The following BRWD1 variants were observed in gnomAD, a reference collection of about 807,000 sequenced individuals.
BRWD1 encodes the protein bromodomain and WD repeat-containing protein 1.
Under a neutral mutation model 251.2 loss-of-function variants are expected in BRWD1, and 82 were observed. The observed-to-expected ratio is 0.33, with a 90% CI of 0.27 to 0.39. The LOEUF is 0.39. BRWD1 is among the 10% of genes least tolerant of loss of function. The pLI is 1.00. For missense variants in BRWD1, 2,233 were observed against 2,711.6 expected, an observed-to-expected ratio of 0.82 and a Z score of 3.92; for synonymous variants, 918 against 902.8, an observed-to-expected ratio of 1.02 and a Z score of -0.30.
intron 19 of BRWD1, among the ~76,000 whole-genome samples, chr21:39,253,052 G>C (rs2146617581): frequency 6.6e-6 from 1 of 152,278 alleles, no homozygotes; most frequent in African/African-American, 2.4e-5. Context: ...CACTTTGGCA[G>C]GCCGAGGCAG....
At chr21:39,308,481 CAAAAAAAA>C (rs35833623) in intron 4 of BRWD1, among the ~76,000 whole-genome samples, 1 of 107,442 alleles carries the variant, frequency 9.3e-6, no homozygotes, top group Non-Finnish European at 1.9e-5. Flanking sequence ...CACCTTGTCT[CAAAAAAAA>C]AAAAAAAAAA....
intron 4 of BRWD1, among the ~76,000 whole-genome samples, chr21:39,311,954 A>C (rs562646445): frequency 8.5e-5 from 13 of 152,300 alleles, no homozygotes; most frequent in African/African-American, 2.6e-4. Flanking sequence ...GATCACTCAG[A>C]AGCTCTTTTC....
rs370000125 is a variant in BRWD1, at chr21:39,196,625, C to G, written c.6444G>C (p.Lys2148Asn). 2 of 1,613,666 alleles carry G rather than the reference C, an allele frequency of 1.2e-6. No individual in the cohort carries two copies. The highest frequency in any genetic ancestry group is 1.7e-6 in the Non-Finnish European group (2 of 1,179,816). ...ATTTGGAACTAGTATCAGGTCTAAACTTTGAATTCCCAGTTGTTTCAGAGA... is the reference window on the plus strand; with the variant it reads ...ATTTGGAACTAGTATCAGGTCTAAAGTTTGAATTCCCAGTTGTTTCAGAGA... ...VKISETTGNSKFRPDTSSKSS... is the reference protein window; with the variant it reads ...VKISETTGNSNFRPDTSSKSS... The change falls in exon 41 of 41, where the codon AAG becomes AAC. Residue 2148 changes from lysine (K) to asparagine (N), a missense_variant. Around this residue, in one of 12 missense-constraint regions of BRWD1, gnomAD observed 928 missense variants for 970.0 expected, o/e 0.96. Transcript: ENST00000342449.
Position 39,196,558 on chromosome 21 carries a change from T to C in BRWD1, c.6511A>G (p.Thr2171Ala), listed in dbSNP as rs758531202. ...CTCCTTTTGGTTTTTGTATTATCAGTACAGTCAATATCTGATTCAGTTACA... is the reference window on the plus strand; with the variant it reads ...CTCCTTTTGGTTTTTGTATTATCAGCACAGTCAATATCTGATTCAGTTACA... ...GSVTESDIDC[T>A]DNTKTKRRKT... is the part of the protein sequence containing the mutation. The change falls in exon 41 of 41, where the codon ACT (threonine) becomes GCT (alanine). Residue 2171 changes from threonine (T) to alanine (A), a missense_variant. Physicochemically the swap from Thr to Ala is moderately conservative, Grantham distance 58. This residue lies in a region of BRWD1 where 928 missense variants were observed against 970.0 expected (regional missense o/e 0.96). Coordinates refer to ENST00000342449, the MANE Select transcript of BRWD1 (RefSeq NM_033656.4). The C allele has an allele frequency of 6.2e-7, 1 of 1,613,692 alleles. No homozygotes were observed. Among genetic ancestry groups the C allele is most frequent in the East Asian group, 2.2e-5 (1 of 44,872 alleles).
At chr21:39,278,234 C>T (rs1364649068) in intron 10 of BRWD1, among the ~76,000 whole-genome samples, 1 of 151,870 alleles carries the variant, frequency 6.6e-6, no homozygotes. Flanking sequence ...AGAAGTTCTG[C>T]TTTCTAAACA....
intron 21 of BRWD1, among the ~76,000 whole-genome samples, chr21:39,245,909 T>C: frequency 6.6e-6 from 1 of 152,076 alleles, no homozygotes; most frequent in Non-Finnish European, 1.5e-5. Flanking sequence ...GCCTATTAAA[T>C]ACTCTTTACC....
At chr21:39,309,313 TG>T (rs1441544642) in intron 4 of BRWD1, among the ~76,000 whole-genome samples, 7 of 146,762 alleles carry the variant, frequency 4.8e-5, no homozygotes, top group African/African-American at 1.8e-4. Flanking sequence ...TAGCCAGGTG[TG>T]GTGGCACATG....
rs1272097013 is a variant in BRWD1 at position 39,251,993 on chromosome 21, G to A, written c.2256-1104C>T. On this transcript the variant is annotated intron_variant, in intron 19 of 40. Transcript: ENST00000342449. ...TAAAAGAATTTTTATACGGCCGGGC[G>A]CAGTGGCCCACACCTGTAATCCCAG... 4.6e-5 allele frequency among the ~76,000 whole-genome samples: 7 copies of A among 152,046 alleles called. No homozygotes were observed. In the South Asian group the frequency reaches 8.3e-4, roughly 18 times the overall value.
chr21:39,293,072 G>C (rs1013185487), intron 8 of BRWD1, among the ~76,000 whole-genome samples: 3 of 152,168 alleles, frequency 2.0e-5, no homozygotes, highest in African/African-American at 4.8e-5. Context: ...TTAGGTACAA[G>C]ATGAAGCAGT....
chr21:39,251,600 T>C (rs2836958), intron 19 of BRWD1, among the ~76,000 whole-genome samples: 79,012 of 152,020 alleles, frequency 0.52, 21,017 homozygotes, highest in African/African-American at 0.62. Flanking sequence ...GGATAAAAAC[T>C]GATTTTTAAG....
In BRWD1 at chr21:39,189,616, A is replaced by G; in HGVS notation, c.*6643T>C. 1.0e-6 allele frequency: 1 copy of G among 982,036 alleles called. No homozygotes were observed. Among genetic ancestry groups the G allele is most frequent in the Non-Finnish European group, 1.2e-6 (1 of 826,812 alleles). The allele number at this position is 982,036 out of a possible 1,614,324, so 60.8% of individuals were successfully genotyped here. On this transcript the variant is annotated 3_prime_UTR_variant, in exon 41 of 41. Coordinates refer to ENST00000342449, the MANE Select transcript of BRWD1 (RefSeq NM_033656.4). The stretch of plus-strand genomic sequence containing the variant: ...TAAAGCTGAATCTCTTAAGTCTTAG[A>G]CAATAAAACAGGAATTTCAGAGAAT...
In BRWD1 at chr21:39,198,946, C is replaced by A. The variant is rs1347604735; in HGVS notation, c.5470G>T (p.Asp1824Tyr). 5 of 1,613,848 alleles carry A rather than the reference C, an allele frequency of 3.1e-6. No individual in the cohort carries two copies. The African/African-American group carries it at 6.7e-5, about 22-fold the overall frequency. Residue 1824 changes from aspartate to tyrosine, a missense_variant, in exon 40 of 41, where the codon GAC becomes TAC. This residue lies in a region of BRWD1 where 928 missense variants were observed against 970.0 expected (regional missense o/e 0.96). Coordinates refer to ENST00000342449, the MANE Select transcript of BRWD1 (RefSeq NM_033656.4). ...CTATCTTGCTCTTCAGATTCAGAGTCTTCTGAGTCACTCAGAATCTTGGTT... is the reference window on the plus strand; with the variant it reads ...CTATCTTGCTCTTCAGATTCAGAGTATTCTGAGTCACTCAGAATCTTGGTT... ...KKTKILSDSE[D>Y]SESEEQDRED...
In BRWD1 at chr21:39,198,858, G is replaced by A. The variant is rs996283307; in HGVS notation, c.5558C>T (p.Pro1853Leu). The change falls in exon 40 of 41, where the codon CCT (proline) becomes CTT (leucine). Residue 1853 changes from proline to leucine, a missense_variant. Physicochemically the swap from Pro to Leu is moderately conservative, Grantham distance 98. Coordinates refer to ENST00000342449, the MANE Select transcript of BRWD1 (RefSeq NM_033656.4). ...NPISGNLNCD[P>L]IAMSQCSSDH... ...TGAGGAACACTGGGACATAGCAATA[G>A]GGTCACAGTTCAGATTTCCTGAAAT... The A allele has an allele frequency of 5.0e-6, 8 of 1,613,518 alleles. No individual in the cohort carries two copies. In the Admixed American group the frequency reaches 1.2e-4, roughly 24 times the overall value.
chr21:39,233,802 T>G (rs1459400557), intron 23 of BRWD1, among the ~76,000 whole-genome samples: 2 of 152,162 alleles, frequency 1.3e-5, no homozygotes, highest in African/African-American at 4.8e-5. Flanking sequence ...GGTGGATCAC[T>G]TGAGGTCAGA....
At chr21:39,233,000 T>C (rs574016212) in intron 23 of BRWD1, among the ~76,000 whole-genome samples, 12 of 152,114 alleles carry the variant, frequency 7.9e-5, no homozygotes, top group South Asian at 2.1e-4. Context: ...CTACCAAATA[T>C]AATAAAGCCG....
intron 19 of BRWD1, among the ~76,000 whole-genome samples, chr21:39,254,223 C>T (rs1025262232): frequency 2.6e-5 from 4 of 152,176 alleles, no homozygotes; most frequent in Non-Finnish European, 4.4e-5. Flanking sequence ...CAAGATCGTG[C>T]CATTGCACTC....
chr21:39,239,842 C>A (rs2033930388), intron 21 of BRWD1, among the ~76,000 whole-genome samples: 1 of 152,140 alleles, frequency 6.6e-6, no homozygotes, highest in African/African-American at 2.4e-5. Flanking sequence ...GACAGTTTAG[C>A]AGTTTCTTAT....
At chr21:39,239,422 G>C (rs2033917034) in intron 21 of BRWD1, among the ~76,000 whole-genome samples, 1 of 152,116 alleles carries the variant, frequency 6.6e-6, no homozygotes, top group African/African-American at 2.4e-5. Flanking sequence ...TCTACCACTG[G>C]CTGAAAATGA....
At chr21:39,265,595 A>G (rs2836966) in intron 15 of BRWD1, among the ~76,000 whole-genome samples, 71,008 of 152,032 alleles carry the variant, frequency 0.47, 16,764 homozygotes, top group Admixed American at 0.53. Context: ...CCCAATCCAA[A>G]GTGAAGGCTT....
Sources: allele counts gnomAD v4.1 joint callset (sites outside exome capture counted in the v4.1 genomes callset), GRCh38; gene constraint gnomAD v4.1.1; regional missense constraint gnomAD v4.1.1; transcripts MANE v1.5; gene names NCBI Gene and HGNC (gene_info 2026-07-23, HGNC 2026-07-21).